Variants in ZNF274 observed in about 807,000 individuals in gnomAD.
ZNF274 encodes neurotrophin receptor-interacting factor homolog.
ZNF274 carries 23 observed loss-of-function variants against 42.5 expected under a neutral mutation model. The observed-to-expected ratio is 0.54, with a 90% CI of 0.39 to 0.77. ZNF274 has a LOEUF of 0.77. ZNF274 is among the 30% of genes least tolerant of loss of function. The pLI is 0.00. For missense variants in ZNF274, 679 were observed against 806.5 expected, an observed-to-expected ratio of 0.84 and a Z score of 1.91; for synonymous variants, 292 against 305.4, an observed-to-expected ratio of 0.96 and a Z score of 0.46.
chr19:58,191,273 G>A (rs2075776086), intron 4 of ZNF274, among the ~76,000 whole-genome samples: 1 of 152,154 alleles, frequency 6.6e-6, no homozygotes, highest in African/African-American at 2.4e-5. Context: ...GAGTAGCTGG[G>A]ACTACAGGTG....
In ZNF274 at chr19:58,189,705, T is replaced by A. The variant is rs567634611; in HGVS notation, c.256+2663T>A. On this transcript the variant is annotated intron_variant, in intron 4 of 7. Transcript: ENST00000617501. ...AGCTTGTCAGTGTTCATTGAGAAAA[T>A]CTTGTTGGGATGTGTATTACATTTA... is the stretch of plus-strand genomic sequence containing the variant. Among the ~76,000 whole-genome samples, 104 of 152,286 alleles carry A rather than the reference T, an allele frequency of 6.8e-4. 1 individual carries two copies. The highest frequency in any genetic ancestry group is 4.8e-3 in the South Asian group (23 of 4,830).
At chr19:58,203,914 C>T (rs1327138219) in intron 4 of ZNF274, among the ~76,000 whole-genome samples, 1 of 152,224 alleles carries the variant, frequency 6.6e-6, no homozygotes, top group Admixed American at 6.5e-5. Flanking sequence ...ACAATTGCGC[C>T]ACCTCGCTGG....
At chr19:58,183,845 C>A in intron 1 of ZNF274, 76 bp from the exon 2 acceptor site, 3 of 1,020,844 alleles carry the variant, frequency 2.9e-6, no homozygotes, top group Non-Finnish European at 4.3e-6. Flanking sequence ...GGGAGCCGTT[C>A]CTGGGCGGAG....
intron 4 of ZNF274, among the ~76,000 whole-genome samples, chr19:58,198,869 G>C (rs978522624): frequency 1.4e-5 from 2 of 147,628 alleles, no homozygotes; most frequent in East Asian, 4.0e-4. Flanking sequence ...GCCCTGAGCA[G>C]TGGAGATTTT....
In ZNF274 at chr19:58,213,398, A is replaced by G. The variant is rs924699537; in HGVS notation, c.*255A>G. 6.2e-5 allele frequency: 26 copies of G among 420,926 alleles called. No homozygotes were observed. Among genetic ancestry groups the G allele is most frequent in the Non-Finnish European group, 1.0e-4 (25 of 240,666 alleles). 26.1% of individuals were successfully genotyped at this position (420,926 alleles called of 1,614,324 possible). On this transcript the variant is annotated 3_prime_UTR_variant, in exon 8 of 8. Transcript: ENST00000617501. ...TGTTTGTTCACTCATTTAGTCATTA[A>G]AAGTGAGATTAATAAAATCTGAAAA... is the stretch of plus-strand genomic sequence containing the variant.
intron 4 of ZNF274, among the ~76,000 whole-genome samples, chr19:58,203,172 C>G (rs75550625): frequency 7.2e-5 from 11 of 152,258 alleles, no homozygotes; most frequent in East Asian, 1.9e-4. Flanking sequence ...TTAGCCCCCC[C>G]CCAGGAAGTA....
intron 3 of ZNF274, among the ~76,000 whole-genome samples, chr19:58,186,529 C>A (rs2075700206): frequency 8.2e-6 from 1 of 121,260 alleles, no homozygotes; most frequent in South Asian, 2.5e-4. Context: ...GAGCAAGACT[C>A]CGTCTCAAAA....
At chr19:58,203,055 G>A (rs570001261) in intron 4 of ZNF274, among the ~76,000 whole-genome samples, 8 of 152,224 alleles carry the variant, frequency 5.3e-5, no homozygotes, top group African/African-American at 1.9e-4. Flanking sequence ...CTCGATTAAG[G>A]AATACAAAAA....
rs1176348974 is a variant in ZNF274 at position 58,212,856 on chromosome 19, G to C, written c.1675G>C (p.Gly559Arg). 6.2e-7 allele frequency: 1 copy of C among 1,613,898 alleles called. No homozygotes were observed. Among genetic ancestry groups the C allele is most frequent in the Admixed American group, 1.7e-5 (1 of 60,008 alleles). Residue 559 changes from glycine (G) to arginine (R), a missense_variant, in exon 8 of 8, where the codon GGA becomes CGA. Transcript: ENST00000617501. The surrounding 1 kb of genome is among the most constrained non-coding windows in gnomAD (Gnocchi z 4.6). ...CACACAGCATCAGAGAGTTCATTCTGGAGAGAGACCATTTGAATGTCAGGA... is the reference window on the plus strand; with the variant it reads ...CACACAGCATCAGAGAGTTCATTCTCGAGAGAGACCATTTGAATGTCAGGA... Reference protein sequence around the residue: ...SLTQHQRVHSGERPFECQECG... With the variant: ...SLTQHQRVHSRERPFECQECG...
At chr19:58,209,601 C>T (rs149066948) in intron 5 of ZNF274, 156 of 159,930 alleles carry the variant, frequency 9.8e-4, no homozygotes, top group East Asian at 3.1e-3. Flanking sequence ...GCTTGGAGGC[C>T]GGAAACAGGG....
intron 4 of ZNF274, among the ~76,000 whole-genome samples, chr19:58,190,643 T>A (rs2075769070): frequency 6.6e-6 from 1 of 152,214 alleles, no homozygotes; most frequent in African/African-American, 2.4e-5. Flanking sequence ...TGTAGAAGTT[T>A]TGTAACGTGC....
intron 4 of ZNF274, among the ~76,000 whole-genome samples, chr19:58,197,079 G>A (rs927925996): frequency 3.3e-5 from 5 of 152,202 alleles, no homozygotes; most frequent in African/African-American, 1.2e-4. Context: ...CTGTGGGAAA[G>A]GTTTTATGCA....
At chr19:58,203,980 A>T (rs1250185192) in intron 4 of ZNF274, among the ~76,000 whole-genome samples, 2 of 152,226 alleles carry the variant, frequency 1.3e-5, no homozygotes, top group African/African-American at 4.8e-5. Flanking sequence ...GGCAGATCCC[A>T]GCGCGGAGCT....
chr19:58,203,302 G>A (rs1307988121), intron 4 of ZNF274, among the ~76,000 whole-genome samples: 2 of 152,134 alleles, frequency 1.3e-5, no homozygotes, highest in Non-Finnish European at 2.9e-5. Context: ...GCTGTAATTG[G>A]GCTGGGCACG....
rs184779331 is a variant in ZNF274 at position 58,193,292 on chromosome 19, G to A, written c.256+6250G>A. On this transcript the variant is annotated intron_variant, in intron 4 of 7. Coordinates refer to ENST00000617501, the MANE Select transcript of ZNF274 (RefSeq NM_133502.3). ...CTCCCGAGTAGCTGGGACTACAGGC[G>A]CCCGCCACCACGCCCAGCTAAATTT... Among the ~76,000 whole-genome samples, 768 of 148,644 alleles carry A rather than the reference G, an allele frequency of 5.2e-3. 9 individuals carry two copies. The highest frequency in any genetic ancestry group is 0.018 in the African/African-American group (727 of 40,254).
In ZNF274 at chr19:58,188,618, A is replaced by AT. The variant is rs1441510018; in HGVS notation, c.256+1576_256+1577insT. Among the ~76,000 whole-genome samples the AT allele has an allele frequency of 8.0e-3, 417 of 52,380 alleles. 1 individual carries two copies. The highest frequency in any genetic ancestry group is 0.011 in the Non-Finnish European group (325 of 28,806). The allele number at this position is 52,380 out of a possible 152,430, so 34.4% of individuals were successfully genotyped here. A position where few individuals can be genotyped will look rare whatever the true frequency, so the allele number is the denominator to read the frequency against. ...GAGACTCCATCTCAAAAAAAAAAAA[A>AT]AAATATATATATATATATATATATA... On this transcript the variant is annotated intron_variant, in intron 4 of 7. Transcript: ENST00000617501.
At chr19:58,187,887 G>A in intron 4 of ZNF274, among the ~76,000 whole-genome samples, 1 of 151,956 alleles carries the variant, frequency 6.6e-6, no homozygotes, top group East Asian at 1.9e-4. Flanking sequence ...CATGACTCCA[G>A]GCTAGTTTTT....
At chr19:58,183,761 A>G (rs545605378) in intron 1 of ZNF274, 160 bp from the exon 2 acceptor site, 9 of 566,842 alleles carry the variant, frequency 1.6e-5, no homozygotes, top group East Asian at 6.0e-5. Context: ...AACTGGTCCT[A>G]TCCAGTCCTG....
At chr19:58,195,360 A>G (rs555673861) in intron 4 of ZNF274, among the ~76,000 whole-genome samples, 1 of 152,302 alleles carries the variant, frequency 6.6e-6, no homozygotes, top group Admixed American at 6.5e-5. Context: ...AAGGCACCAT[A>G]GAGACACTCA....
Sources: allele counts gnomAD v4.1 joint callset (sites outside exome capture counted in the v4.1 genomes callset), GRCh38; gene constraint gnomAD v4.1.1; non-coding constraint Gnocchi (gnomAD v3.1); transcripts MANE v1.5; gene names NCBI Gene and HGNC (gene_info 2026-07-23, HGNC 2026-07-21).